CAST: variants seen among roughly 807,000 people sequenced by gnomAD.
CAST encodes the protein calpastatin, also known as MIR583 host.
CAST carries 76 observed loss-of-function variants against 119.6 expected under a neutral mutation model. The observed-to-expected ratio is 0.64, with a 90% CI of 0.53 to 0.77. CAST has a LOEUF of 0.77. CAST is among the 30% of genes least tolerant of loss of function. CAST has a pLI of 0.00. For synonymous variants in CAST, 319 were observed against 331.6 expected, an observed-to-expected ratio of 0.96 and a Z score of 0.41; for missense variants, 953 against 946.5, an observed-to-expected ratio of 1.01 and a Z score of -0.09.
At chr5:95,968,540 C>T in the CAST span, among the ~76,000 whole-genome samples, 21 of 152,162 alleles carry the variant, frequency 1.4e-4, no homozygotes, top group African/African-American at 3.9e-4. Flanking sequence ...AATACACATC[C>T]CCTATAATAT....
chr5:96,662,421 C>T lies in CAST; in HGVS notation c.-2C>T. On this transcript the variant is annotated 5_prime_UTR_variant, in exon 1 of 32. Transcript: ENST00000675179. ...GGAGGCAGCGGCCGCAGCGGCCTCG[C>T]CATGTCCCAGCCCGGCCAGAAGCCC... The T allele has an allele frequency of 6.9e-7, 1 of 1,447,980 alleles. No homozygotes were observed. The highest frequency in any genetic ancestry group is 1.5e-5 in the African/African-American group (1 of 67,420). 89.7% of individuals were successfully genotyped at this position (1,447,980 alleles called of 1,614,324 possible).
At chr5:96,423,532 AC>A in the CAST span, 1 of 1,316,438 alleles carries the variant, frequency 7.6e-7, no homozygotes, top group Admixed American at 1.7e-5. Context: ...TTCAGTTCCA[AC>A]CTGGAGACCC....
intron 1 of CAST, among the ~76,000 whole-genome samples, chr5:96,665,986 G>A (rs1257319871): frequency 6.6e-6 from 1 of 151,696 alleles, no homozygotes; most frequent in African/African-American, 2.4e-5. Context: ...CACAGATATC[G>A]GTATATACAC....
At chr5:96,356,246 T>C in the CAST span, among the ~76,000 whole-genome samples, 4 of 152,308 alleles carry the variant, frequency 2.6e-5, no homozygotes, top group African/African-American at 4.8e-5. Flanking sequence ...CTTTGTCAGA[T>C]GAATAGATTG....
At chr5:96,310,226 A>C in the CAST span, among the ~76,000 whole-genome samples, 1 of 152,334 alleles carries the variant, frequency 6.6e-6, no homozygotes, top group African/African-American at 2.4e-5. Context: ...AATGTAGTCT[A>C]TCACATTTAT....
At chr5:96,648,667 C>T (rs1748052858) in intron 1 of CAST, among the ~76,000 whole-genome samples, 1 of 151,774 alleles carries the variant, frequency 6.6e-6, no homozygotes, top group Non-Finnish European at 1.5e-5. Flanking sequence ...TTTATGAGTA[C>T]TTAGTACCTC....
intron 1 of CAST, among the ~76,000 whole-genome samples, chr5:96,558,534 A>C (rs922121592): frequency 1.3e-5 from 2 of 152,158 alleles, no homozygotes; most frequent in Non-Finnish European, 2.9e-5. Flanking sequence ...ATAACACCAC[A>C]GATCCCACAG....
At chr5:96,620,295 T>C (rs1747578074) in intron 1 of CAST, among the ~76,000 whole-genome samples, 1 of 151,990 alleles carries the variant, frequency 6.6e-6, no homozygotes, top group Admixed American at 6.5e-5. Context: ...TTTCTTTTTT[T>C]TTTTTTTTGG....
chr5:96,123,736 C>G, the CAST span, among the ~76,000 whole-genome samples: 1 of 152,138 alleles, frequency 6.6e-6, no homozygotes, highest in African/African-American at 2.4e-5. Context: ...AATGCCTTCT[C>G]AATTATACTA....
intron 1 of CAST, among the ~76,000 whole-genome samples, chr5:96,612,100 C>G (rs1728387010): frequency 6.6e-6 from 1 of 152,242 alleles, no homozygotes; most frequent in Admixed American, 6.5e-5. Flanking sequence ...ATGTGTCTAT[C>G]CGAAGGAAAA....
At chr5:96,190,512 C>G in the CAST span, among the ~76,000 whole-genome samples, 1 of 152,170 alleles carries the variant, frequency 6.6e-6, no homozygotes, top group South Asian at 2.1e-4. Flanking sequence ...GCTGCAGCCT[C>G]CCATACTCCA....
At position 96,737,924 on chromosome 5, in the gene CAST, A is replaced by G. The variant is rs542940545; in HGVS notation, c.775A>G (p.Thr259Ala). ...GPEETEEENTTYTGPEVSDPM... is the reference protein window; with the variant it reads ...GPEETEEENTAYTGPEVSDPM... ...TGAAGAAACTGAAGAAGAAAATACA[A>G]CGTATACTGGACCAGAAGTTTCAGT... is the stretch of plus-strand genomic sequence containing the variant. The change falls in exon 11 of 32, where the codon ACG (threonine) becomes GCG (alanine). Residue 259 changes from threonine to alanine, a missense_variant. Physicochemically the swap from Thr to Ala is moderately conservative, Grantham distance 58 (BLOSUM62 0). Coordinates refer to ENST00000675179, the MANE Select transcript of CAST (RefSeq NM_001750.7). The G allele has an allele frequency of 1.6e-3, 2,584 of 1,598,586 alleles. 57 individuals carry two copies. In the South Asian group the frequency reaches 0.026, roughly 16 times the overall value.
the CAST span, among the ~76,000 whole-genome samples, chr5:96,447,319 T>C: frequency 6.6e-6 from 1 of 152,314 alleles, no homozygotes; most frequent in African/African-American, 2.4e-5. Flanking sequence ...AAACCCATGT[T>C]AGGACCTCAG....
chr5:96,262,752 G>T, the CAST span, among the ~76,000 whole-genome samples: 1 of 152,022 alleles, frequency 6.6e-6, no homozygotes, highest in Non-Finnish European at 1.5e-5. Flanking sequence ...AGCCAAGACG[G>T]TCTCGATCTC....
chr5:96,036,758 C>T, the CAST span, among the ~76,000 whole-genome samples: 1 of 152,026 alleles, frequency 6.6e-6, no homozygotes. Flanking sequence ...TTGAAATAAG[C>T]CCTTCTTAGT....
chr5:96,693,414 A>G (rs1752951067), intron 2 of CAST, among the ~76,000 whole-genome samples: 1 of 152,262 alleles, frequency 6.6e-6, no homozygotes, highest in African/African-American at 2.4e-5. Flanking sequence ...GCATATTGTA[A>G]GTAGTGGAAT....
the CAST span, among the ~76,000 whole-genome samples, chr5:96,354,441 C>T: frequency 2.0e-5 from 3 of 151,986 alleles, no homozygotes; most frequent in Admixed American, 6.6e-5. Flanking sequence ...GTATTGACCG[C>T]ATTTCATTAA....
intron 1 of CAST, among the ~76,000 whole-genome samples, chr5:96,636,927 G>A (rs955406988): frequency 5.9e-5 from 9 of 151,498 alleles, no homozygotes; most frequent in African/African-American, 2.2e-4. Flanking sequence ...GTCAAGATGC[G>A]GTGTTGGGGG....
the CAST span, among the ~76,000 whole-genome samples, chr5:96,508,952 T>C: frequency 3.2e-4 from 48 of 152,302 alleles, no homozygotes; most frequent in African/African-American, 1.1e-3. Context: ...AAGAGGAATT[T>C]AGAATAATAA....
Sources: gnomAD v4.1 joint callset for allele counts (sites outside exome capture counted in the v4.1 genomes callset) on GRCh38, gnomAD v4.1.1 for gene constraint, MANE v1.5 for transcripts, NCBI Gene and HGNC (gene_info 2026-07-23, HGNC 2026-07-21) for gene names.